EXOC6B: variants seen among roughly 807,000 people sequenced by gnomAD.
EXOC6B encodes exocyst complex component 6B, also known as SEC15 homolog B.
Under a neutral mutation model 113.5 loss-of-function variants are expected in EXOC6B, and 54 were observed. The ratio of observed to expected loss-of-function variants is 0.48; its 90% CI spans 0.38 to 0.60. The LOEUF is 0.60. Ranked by LOEUF, EXOC6B falls within the 20% of genes least tolerant of loss-of-function variation. The pLI is 0.00. For missense variants in EXOC6B, 797 were observed against 977.5 expected (o/e 0.82, Z 2.46); for synonymous variants, 357 against 339.0 (o/e 1.05, Z -0.58).
intron 20 of EXOC6B, among the ~76,000 whole-genome samples, chr2:72,259,236 T>A (rs909939960): frequency 6.6e-6 from 1 of 152,234 alleles, no homozygotes; most frequent in Non-Finnish European, 1.5e-5. Flanking sequence ...TTGTTTGATC[T>A]ATGAATTATA....
intron 18 of EXOC6B, among the ~76,000 whole-genome samples, chr2:72,382,797 T>A (rs879654738): frequency 1.3e-5 from 2 of 152,042 alleles, no homozygotes; most frequent in Non-Finnish European, 2.9e-5. Flanking sequence ...TGGGATTGGG[T>A]TCCTGATTTA....
At chr2:72,241,821 GA>G (rs1208206030) in intron 20 of EXOC6B, among the ~76,000 whole-genome samples, 5 of 152,158 alleles carry the variant, frequency 3.3e-5, no homozygotes, top group African/African-American at 1.2e-4. Context: ...AAATATTGAG[GA>G]AATTTGTGCT....
chr2:72,285,049 A>T (rs116758997), intron 20 of EXOC6B, among the ~76,000 whole-genome samples: 2,902 of 152,188 alleles, frequency 0.019, 89 homozygotes, highest in African/African-American at 0.065. Flanking sequence ...GTTCTTTCCA[A>T]CTTGATCTAT....
At chr2:72,800,559 G>A (rs141663511) in intron 1 of EXOC6B, among the ~76,000 whole-genome samples, 5 of 152,060 alleles carry the variant, frequency 3.3e-5, no homozygotes, top group South Asian at 2.1e-4. Flanking sequence ...TAATAAAAGC[G>A]CTGACTACAA....
At chr2:72,715,746 A>G (rs2104708093) in intron 6 of EXOC6B, among the ~76,000 whole-genome samples, 1 of 152,238 alleles carries the variant, frequency 6.6e-6, no homozygotes, top group South Asian at 2.1e-4. Context: ...TTCATTGTAT[A>G]TTGGGGGTGG....
At chr2:72,384,012 G>A (rs900569938) in intron 18 of EXOC6B, among the ~76,000 whole-genome samples, 1 of 152,056 alleles carries the variant, frequency 6.6e-6, no homozygotes. Flanking sequence ...TGGAAGATGG[G>A]AGAAGTGAGA....
chr2:72,252,715 A>G (rs1683100230), intron 20 of EXOC6B, among the ~76,000 whole-genome samples: 1 of 152,226 alleles, frequency 6.6e-6, no homozygotes, highest in South Asian at 2.1e-4. Context: ...CATAAAAATC[A>G]CAGATCAGGG....
chr2:72,414,606 A>C (rs1694402569), intron 18 of EXOC6B, among the ~76,000 whole-genome samples: 1 of 152,156 alleles, frequency 6.6e-6, no homozygotes, highest in African/African-American at 2.4e-5. Context: ...AAACAGATGC[A>C]CTCAGTGTCA....
At chr2:72,648,634 C>T (rs1673925269) in intron 6 of EXOC6B, among the ~76,000 whole-genome samples, 1 of 152,100 alleles carries the variant, frequency 6.6e-6, no homozygotes, top group Non-Finnish European at 1.5e-5. Context: ...CAATAGCCAA[C>T]ATTTGGAAGT....
At chr2:72,499,486 C>T (rs1700210084) in intron 12 of EXOC6B, among the ~76,000 whole-genome samples, 1 of 151,954 alleles carries the variant, frequency 6.6e-6, no homozygotes. Flanking sequence ...CTGCCTCAGC[C>T]TCCCAAAGTG....
intron 20 of EXOC6B, among the ~76,000 whole-genome samples, chr2:72,203,244 G>T (rs986673144): frequency 1.7e-4 from 26 of 152,122 alleles, no homozygotes; most frequent in Non-Finnish European, 5.9e-5. Flanking sequence ...ACCTTAAGAA[G>T]TCCTTTTCAA....
At chr2:72,781,030 AT>A (rs1439222222) in intron 1 of EXOC6B, among the ~76,000 whole-genome samples, 5 of 152,168 alleles carry the variant, frequency 3.3e-5, no homozygotes, top group African/African-American at 4.8e-5. Context: ...GCTCCTATTA[AT>A]ATAACCATTG....
chr2:72,286,575 T>C (rs1045947033), intron 20 of EXOC6B, among the ~76,000 whole-genome samples: 1 of 152,140 alleles, frequency 6.6e-6, no homozygotes, highest in Admixed American at 6.5e-5. Context: ...GATGGATACT[T>C]GTCATTAGAT....
chr2:72,532,608 G>A (rs369839507), intron 8 of EXOC6B, among the ~76,000 whole-genome samples: 11 of 152,198 alleles, frequency 7.2e-5, no homozygotes, highest in African/African-American at 2.6e-4. Context: ...AGGAGTTCGA[G>A]ACCAGCCTGA....
intron 3 of EXOC6B, among the ~76,000 whole-genome samples, chr2:72,732,420 C>T (rs1680702610): frequency 6.6e-6 from 1 of 152,092 alleles, no homozygotes; most frequent in Non-Finnish European, 1.5e-5. Context: ...CCTCATCCTC[C>T]CAAAGCACTG....
chr2:72,373,117 T>C (rs939193205), intron 19 of EXOC6B, among the ~76,000 whole-genome samples: 10 of 144,302 alleles, frequency 6.9e-5, no homozygotes, highest in Non-Finnish European at 1.3e-4. Flanking sequence ...CAGGCTGGAG[T>C]GCAATGGCGC....
chr2:72,530,964 C>T (rs1043928638), intron 8 of EXOC6B, among the ~76,000 whole-genome samples: 1 of 151,996 alleles, frequency 6.6e-6, no homozygotes, highest in Non-Finnish European at 1.5e-5. Context: ...CTGCCTATAT[C>T]ATTATACTTA....
At chr2:72,734,567 C>T (rs1399559668) in intron 2 of EXOC6B, among the ~76,000 whole-genome samples, 1 of 152,102 alleles carries the variant, frequency 6.6e-6, no homozygotes, top group Admixed American at 6.6e-5. Flanking sequence ...AGCAGGAATG[C>T]AGCCATAAAG....
At chr2:72,380,425 G>T (rs532019060) in intron 18 of EXOC6B, among the ~76,000 whole-genome samples, 1 of 152,236 alleles carries the variant, frequency 6.6e-6, no homozygotes, top group South Asian at 2.1e-4. Context: ...AGATCACAAG[G>T]TCAGGAGATC....
Sources: gnomAD v4.1 joint callset for allele counts (sites outside exome capture counted in the v4.1 genomes callset) on GRCh38, gnomAD v4.1.1 for gene constraint, MANE v1.5 for transcripts, NCBI Gene and HGNC (gene_info 2026-07-23, HGNC 2026-07-21) for gene names.